Variants in OSBPL9 observed in about 807,000 individuals in gnomAD.
The protein encoded by OSBPL9 is oxysterol-binding protein-related protein 9.
Under a neutral mutation model 106.6 loss-of-function variants are expected in OSBPL9, and 40 were observed. The ratio of observed to expected loss-of-function variants is 0.38; its 90% CI spans 0.29 to 0.49. The LOEUF (loss-of-function observed/expected upper bound fraction) is 0.49. Among genes scored for constraint, OSBPL9 ranks in the 20% least tolerant of loss-of-function variants. The probability of loss-of-function intolerance (pLI) is 0.97; values close to 1 mark genes in which losing one functional copy is unlikely to be tolerated. For missense variants in OSBPL9, 609 were observed against 887.2 expected, an observed-to-expected ratio of 0.69 and a Z score of 3.98; for synonymous variants, 269 against 295.4, an observed-to-expected ratio of 0.91 and a Z score of 0.92.
intron 3 of OSBPL9, among the ~76,000 whole-genome samples, chr1:51,702,796 A>G (rs1657594507): frequency 6.6e-6 from 1 of 152,190 alleles, no homozygotes; most frequent in Admixed American, 6.5e-5. Context: ...TTAAGTCTTT[A>G]ATCCATCTTG....
intron 9 of OSBPL9, among the ~76,000 whole-genome samples, chr1:51,759,248 G>A (rs1313552070): frequency 6.6e-6 from 1 of 151,948 alleles, no homozygotes; most frequent in Non-Finnish European, 1.5e-5. Context: ...TCACTTGATC[G>A]AAAAGACCTT....
chr1:51,692,506 A>T (rs1655168528), intron 3 of OSBPL9, among the ~76,000 whole-genome samples: 1 of 152,114 alleles, frequency 6.6e-6, no homozygotes, highest in African/African-American at 2.4e-5. Context: ...CAAAGTTAGG[A>T]CAGCATCAGG....
intron 1 of OSBPL9, among the ~76,000 whole-genome samples, chr1:51,651,120 C>G (rs1241440938): frequency 1.3e-5 from 2 of 152,222 alleles, no homozygotes; most frequent in Admixed American, 1.3e-4. Context: ...GGGTGGAAAT[C>G]TAAATCAGAC....
chr1:51,748,550 A>G, intron 7 of OSBPL9, 152 bp downstream of exon 7: 1 of 828,806 alleles, frequency 1.2e-6, no homozygotes, highest in Admixed American at 4.7e-5. Flanking sequence ...ATTTTTTTTT[A>G]AAGGAATTTA....
intron 3 of OSBPL9, among the ~76,000 whole-genome samples, chr1:51,675,268 T>A (rs1283866455): frequency 6.6e-6 from 1 of 152,204 alleles, no homozygotes; most frequent in Non-Finnish European, 1.5e-5. Flanking sequence ...AAGGGATAGC[T>A]GCCACTTAGT....
the OSBPL9 span, among the ~76,000 whole-genome samples, chr1:51,527,965 A>C: frequency 3.3e-5 from 5 of 151,898 alleles, no homozygotes; most frequent in South Asian, 4.2e-4. Context: ...ATACAAAAAA[A>C]AAAAAAAAAT....
intron 3 of OSBPL9, among the ~76,000 whole-genome samples, chr1:51,680,179 C>T (rs1157433112): frequency 2.0e-5 from 3 of 151,834 alleles, no homozygotes; most frequent in Admixed American, 6.6e-5. Context: ...CACTTGAACC[C>T]GGGAGGCAGA....
intron 3 of OSBPL9, among the ~76,000 whole-genome samples, chr1:51,679,388 G>C: frequency 6.6e-6 from 1 of 152,202 alleles, no homozygotes; most frequent in Middle Eastern, 3.4e-3. Flanking sequence ...TTAGAAATTT[G>C]GGAAAAGTAT....
At chr1:51,668,874 TG>T (rs911523967) in intron 2 of OSBPL9, among the ~76,000 whole-genome samples, 8 of 152,140 alleles carry the variant, frequency 5.3e-5, no homozygotes, top group Admixed American at 2.6e-4. Flanking sequence ...TGCTGACATA[TG>T]AACAGATAAT....
intron 1 of OSBPL9, among the ~76,000 whole-genome samples, chr1:51,595,183 TG>T (rs1389544804): frequency 3.9e-5 from 6 of 152,018 alleles, no homozygotes; most frequent in Non-Finnish European, 8.8e-5. Flanking sequence ...GAGGAGCTAA[TG>T]GGGGCCAACC....
intron 20 of OSBPL9, 39 bp from the exon 21 acceptor site, chr1:51,785,768 TC>T: frequency 6.4e-7 from 1 of 1,571,924 alleles, no homozygotes; most frequent in Middle Eastern, 1.7e-4. Flanking sequence ...GGTAGAATTT[TC>T]AACTTGAGAC....
the OSBPL9 span, among the ~76,000 whole-genome samples, chr1:51,525,052 G>T: frequency 1.5e-4 from 23 of 152,158 alleles, no homozygotes; most frequent in Non-Finnish European, 3.1e-4. Context: ...GCCAGACTTG[G>T]GCTCTAAAGT....
the OSBPL9 span, among the ~76,000 whole-genome samples, chr1:51,527,340 T>C: frequency 2.0e-5 from 3 of 149,414 alleles, no homozygotes. Flanking sequence ...GTGATGATGA[T>C]GATGATGATG....
chr1:51,548,451 C>T, the OSBPL9 span, among the ~76,000 whole-genome samples: 90 of 152,034 alleles, frequency 5.9e-4, 1 homozygote, highest in African/African-American at 2.0e-3. Flanking sequence ...GGCTGGAATG[C>T]AGTGGCATCA....
the OSBPL9 span, among the ~76,000 whole-genome samples, chr1:51,530,170 C>CAAAAAAAAAAAAAAAAAAAAAAAAA: frequency 4.5e-4 from 5 of 11,032 alleles, 1 homozygote; most frequent in Admixed American, 1.3e-3. Flanking sequence ...GACTCTGTCT[C>CAAAAAAAAAAAAAAAAAAAAAAAAA]AAAAAAAAAA....
At chr1:51,547,261 G>A in the OSBPL9 span, among the ~76,000 whole-genome samples, 1 of 152,164 alleles carries the variant, frequency 6.6e-6, no homozygotes, top group Non-Finnish European at 1.5e-5. Context: ...CATATGGAGA[G>A]GAGATAGCTA....
the OSBPL9 span, among the ~76,000 whole-genome samples, chr1:51,563,135 AG>A: frequency 6.6e-6 from 1 of 152,104 alleles, no homozygotes; most frequent in African/African-American, 2.4e-5. Flanking sequence ...TCTTGAGCCC[AG>A]GAGGTGGAGG....
intron 2 of OSBPL9, among the ~76,000 whole-genome samples, chr1:51,663,092 T>G (rs1647477736): frequency 6.6e-6 from 1 of 152,188 alleles, no homozygotes; most frequent in African/African-American, 2.4e-5. Context: ...GAACATGAAT[T>G]TTTTTAAATG....
intron 3 of OSBPL9, among the ~76,000 whole-genome samples, chr1:51,704,230 C>T (rs1657941827): frequency 6.6e-6 from 1 of 152,118 alleles, no homozygotes; most frequent in Admixed American, 6.5e-5. Context: ...CCTCCTTGTA[C>T]CTCTGGTAGA....
Sources: gnomAD v4.1 joint callset for allele counts (sites outside exome capture counted in the v4.1 genomes callset) on GRCh38, gnomAD v4.1.1 for gene constraint, MANE v1.5 for transcripts, NCBI Gene and HGNC (gene_info 2026-07-23, HGNC 2026-07-21) for gene names.